Variants in RERE observed in about 807,000 individuals in gnomAD.
RERE encodes arginine-glutamic acid dipeptide repeats, also known as arginine-glutamic acid dipeptide repeats protein.
RERE carries 40 observed loss-of-function variants against 146.1 expected under a neutral mutation model. That is an observed-to-expected ratio of 0.27 (90% CI 0.21 to 0.36). RERE has a LOEUF of 0.36. RERE is among the 10% of genes least tolerant of loss of function. RERE has a pLI of 1.00. For missense variants in RERE, 1,933 were observed against 2,138.7 expected (o/e 0.90, Z 1.90); for synonymous variants, 1,003 against 866.0 (o/e 1.16, Z -2.78).
intron 6 of RERE, among the ~76,000 whole-genome samples, chr1:8,553,436 A>G (rs1645964496): frequency 6.6e-6 from 1 of 152,186 alleles, no homozygotes; most frequent in Admixed American, 6.5e-5. Context: ...GCGTGTCCAC[A>G]CACACGTGAC....
intron 12 of RERE, among the ~76,000 whole-genome samples, chr1:8,410,059 G>A (rs2124454800): frequency 7.1e-6 from 1 of 140,058 alleles, no homozygotes; most frequent in South Asian, 2.2e-4. Flanking sequence ...ATAAAGACAT[G>A]CTCAACTCAA....
intron 1 of RERE, among the ~76,000 whole-genome samples, chr1:8,678,030 A>G (rs1330901327): frequency 6.6e-6 from 1 of 152,134 alleles, no homozygotes; most frequent in Admixed American, 6.5e-5. Flanking sequence ...TTGACTCCTC[A>G]TATCCCTCCA....
At chr1:8,653,535 A>C (rs1405500896) in intron 2 of RERE, among the ~76,000 whole-genome samples, 1 of 152,034 alleles carries the variant, frequency 6.6e-6, no homozygotes, top group Non-Finnish European at 1.5e-5. Flanking sequence ...CTCTACTAAA[A>C]ATACAAAATA....
chr1:8,619,834 C>T (rs1369129774), intron 3 of RERE, among the ~76,000 whole-genome samples: 3 of 152,204 alleles, frequency 2.0e-5, no homozygotes, highest in African/African-American at 7.2e-5. Flanking sequence ...GAATGCCCTT[C>T]TTGTCAATCC....
At chr1:8,416,600 AAAGAAAAG>A (rs1197049294) in intron 12 of RERE, among the ~76,000 whole-genome samples, 70 of 146,080 alleles carry the variant, frequency 4.8e-4, no homozygotes, top group African/African-American at 1.6e-3. Context: ...AAAAAAAAAA[AAAGAAAAG>A]AAAAGAAAAG....
intron 11 of RERE, among the ~76,000 whole-genome samples, chr1:8,428,003 C>CAA (rs1644041025): frequency 6.6e-6 from 1 of 152,200 alleles, no homozygotes; most frequent in Admixed American, 6.5e-5. Context: ...TTCATGGAGA[C>CAA]AGTCTGTTTC....
intron 10 of RERE, among the ~76,000 whole-genome samples, chr1:8,486,214 C>G (rs912996874): frequency 6.6e-6 from 1 of 152,084 alleles, no homozygotes; most frequent in African/African-American, 2.4e-5. Flanking sequence ...CACTGCATAA[C>G]AGCACACCCA....
At chr1:8,742,779 G>A (rs951855032) in intron 1 of RERE, among the ~76,000 whole-genome samples, 3 of 150,574 alleles carry the variant, frequency 2.0e-5, no homozygotes, top group African/African-American at 7.4e-5. Context: ...GAGGTGGGAG[G>A]ATCACCTGAA....
Position 8,521,389 on chromosome 1 carries a change from C to A in RERE, c.831-12714G>T, listed in dbSNP as rs182457525. 5.9e-5 allele frequency among the ~76,000 whole-genome samples: 9 copies of A among 152,158 alleles called. No homozygotes were observed. The East Asian group carries it at 1.4e-3, about 23-fold the overall frequency. On this transcript the variant is annotated intron_variant, in intron 7 of 22. Transcript: ENST00000400908. Reference sequence around the variant, plus strand: ...AGGCACAGTGGCTCATGCCTATAATCCTACTATTTTGGGAGGCCAAGACAG... The same window carrying A: ...AGGCACAGTGGCTCATGCCTATAATACTACTATTTTGGGAGGCCAAGACAG...
At chr1:8,413,824 G>A (rs751343720) in intron 12 of RERE, among the ~76,000 whole-genome samples, 3 of 151,990 alleles carry the variant, frequency 2.0e-5, no homozygotes. Context: ...GGGAGGCCAA[G>A]GTGGGTGTAT....
chr1:8,436,872 G>A (rs1644176755), intron 11 of RERE, among the ~76,000 whole-genome samples: 1 of 152,092 alleles, frequency 6.6e-6, no homozygotes, highest in African/African-American at 2.4e-5. Context: ...ACTTGGGCCA[G>A]CACATTGCAG....
intron 1 of RERE, chr1:8,786,643 T>G (rs922554457): frequency 5.2e-6 from 4 of 771,536 alleles, no homozygotes; most frequent in Non-Finnish European, 9.4e-6. Flanking sequence ...GCTCACACCA[T>G]TGGCACCTCT....
chr1:8,456,213 A>G (rs1010220601), intron 11 of RERE, among the ~76,000 whole-genome samples: 1 of 152,250 alleles, frequency 6.6e-6, no homozygotes, highest in Non-Finnish European at 1.5e-5. Flanking sequence ...ATTAGGTGTT[A>G]TAATTCAGAG....
intron 1 of RERE, among the ~76,000 whole-genome samples, chr1:8,716,940 C>T (rs1255875889): frequency 6.6e-6 from 1 of 152,076 alleles, no homozygotes; most frequent in African/African-American, 2.4e-5. Flanking sequence ...AGTAAGACTC[C>T]TGAAATTTGG....
At chr1:8,515,482 T>G (rs976753295) in intron 7 of RERE, among the ~76,000 whole-genome samples, 1 of 151,190 alleles carries the variant, frequency 6.6e-6, no homozygotes, top group African/African-American at 2.4e-5. Flanking sequence ...AATACAAAAC[T>G]TAGCCGGGCG....
intron 4 of RERE, among the ~76,000 whole-genome samples, chr1:8,562,122 T>C (rs1646085808): frequency 1.3e-5 from 2 of 152,202 alleles, no homozygotes; most frequent in African/African-American, 2.4e-5. Context: ...ATTACTATCA[T>C]TGTTTTACAG....
intron 6 of RERE, among the ~76,000 whole-genome samples, chr1:8,542,249 T>C (rs1645808900): frequency 6.6e-6 from 1 of 151,922 alleles, no homozygotes; most frequent in Non-Finnish European, 1.5e-5. Flanking sequence ...AAGGCTACAG[T>C]GAGGTTAGAT....
At position 8,355,532 on chromosome 1, in the gene RERE, C is replaced by A. The variant is rs754057677; in HGVS notation, c.4554G>T (p.Gln1518His). The change falls in exon 22 of 23, where the codon CAG (glutamine) becomes CAT (histidine). Residue 1518 changes from glutamine to histidine, a missense_variant. Physicochemically the swap from Gln to His is conservative, Grantham distance 24 (BLOSUM62 0). This residue lies in a region of RERE where 133 missense variants were observed against 168.6 expected (regional missense o/e 0.79). Transcript: ENST00000400908. ...GCTCGGCCGACTGGGCATGCATGGCCTGCAGCTGGTGGGCTGCTGACATGG... is the reference window on the plus strand; with the variant it reads ...GCTCGGCCGACTGGGCATGCATGGCATGCAGCTGGTGGGCTGCTGACATGG... ...PPPMSAAHQL[Q>H]AMHAQSAELQ... is the part of the protein sequence containing the mutation. 6.2e-7 allele frequency: 1 copy of A among 1,608,478 alleles called. No individual in the cohort carries two copies. The highest frequency in any genetic ancestry group is 2.2e-5 in the East Asian group (1 of 44,734).
chr1:8,402,336 G>A (rs1032173645), intron 12 of RERE, among the ~76,000 whole-genome samples: 1 of 152,144 alleles, frequency 6.6e-6, no homozygotes, highest in African/African-American at 2.4e-5. Flanking sequence ...GCAGAAATGT[G>A]AGTAAAGAAG....
Sources: allele counts gnomAD v4.1 joint callset (sites outside exome capture counted in the v4.1 genomes callset), GRCh38; gene constraint gnomAD v4.1.1; regional missense constraint gnomAD v4.1.1; transcripts MANE v1.5; gene names NCBI Gene and HGNC (gene_info 2026-07-23, HGNC 2026-07-21).